Variants in RABEP1 observed in about 807,000 individuals in gnomAD.
The protein encoded by RABEP1 is rab GTPase-binding effector protein 1.
In RABEP1, 51 loss-of-function variants were observed where a neutral mutation model predicts 123.4. That is an observed-to-expected ratio of 0.41 (90% CI 0.33 to 0.52). RABEP1 has a LOEUF of 0.52. RABEP1 is among the 20% of genes least tolerant of loss of function. The pLI, the probability that RABEP1 is intolerant of heterozygous loss-of-function variation, is 0.16. For missense variants in RABEP1, 888 were observed against 996.3 expected, an observed-to-expected ratio of 0.89 and a Z score of 1.46; for synonymous variants, 347 against 355.2, an observed-to-expected ratio of 0.98 and a Z score of 0.26.
Position 5,320,862 on chromosome 17 carries a change from C to A in RABEP1, c.164-11087C>A, listed in dbSNP as rs558469077. On this transcript the variant is annotated intron_variant, in intron 2 of 17. Coordinates refer to ENST00000537505, the MANE Select transcript of RABEP1 (RefSeq NM_004703.6). ...AAAGACAGAAAGAAGAGAGGAGTTA[C>A]AAAACAACCAGAAAACAAGCAATAA... is the stretch of plus-strand genomic sequence containing the variant. Among the ~76,000 whole-genome samples the A allele has an allele frequency of 3.3e-5, 5 of 152,240 alleles. No individual in the cohort carries two copies. The South Asian group carries it at 1.0e-3, about 32-fold the overall frequency.
At chr17:5,310,301 C>CTTTTTTTTTTTTTTTTTTTTTTTTTTTTT (rs11432831) in intron 2 of RABEP1, among the ~76,000 whole-genome samples, 4 of 126,414 alleles carry the variant, frequency 3.2e-5, no homozygotes, top group African/African-American at 3.0e-5. Context: ...AAGCTTCGTC[C>CTTTTTTTTTTTTTTTTTTTTTTTTTTTTT]TTTTTTTTTT....
rs776617587 is a variant in RABEP1 at position 5,368,507 on chromosome 17, A to G, written c.1884+39A>G. The G allele has an allele frequency of 1.2e-5, 17 of 1,422,512 alleles. No individual in the cohort carries two copies. In the African/African-American group the frequency reaches 2.4e-4, roughly 20 times the overall value. 88.1% of individuals were successfully genotyped at this position (1,422,512 alleles called of 1,614,324 possible). On this transcript the variant is annotated intron_variant, in intron 12 of 17. Coordinates refer to ENST00000537505, the MANE Select transcript of RABEP1 (RefSeq NM_004703.6). ...TTAAGTAAATGACAACTATGTTACT[A>G]TATATTCCTTTTTTGTTCTATCTTG... is the stretch of plus-strand genomic sequence containing the variant.
At chr17:5,368,286 A>T in intron 11 of RABEP1, 84 bp from the exon 12 acceptor site, 2 of 939,608 alleles carry the variant, frequency 2.1e-6, no homozygotes, top group South Asian at 1.5e-5. Flanking sequence ...TCAATTCCAG[A>T]CACTAAATAG....
Position 5,282,497 on chromosome 17 carries a change from CG to C in RABEP1, c.14del (p.Gly5AlafsTer14). 2.3e-6 allele frequency: 3 copies of C among 1,286,198 alleles called. No individual in the cohort carries two copies. The highest frequency in any genetic ancestry group is 3.0e-6 in the Non-Finnish European group (3 of 1,014,960). The allele number at this position is 1,286,198 out of a possible 1,614,324, so 79.7% of individuals were successfully genotyped here. On this transcript the variant is annotated frameshift_variant, in exon 1 of 18. Coordinates refer to ENST00000537505, the MANE Select transcript of RABEP1 (RefSeq NM_004703.6). LOFTEE classifies it high-confidence loss of function. ...GCCGGCCGCCTGGTCATGGCGCAGCCGGGCCCGGCTTCCCAGCCTGACGGTG... is the reference window on the plus strand; with the variant it reads ...GCCGGCCGCCTGGTCATGGCGCAGCCGGCCCGGCTTCCCAGCCTGACGGTG... Reference protein sequence around the residue: MAQPGPASQPDVSL... With the variant: MAQXGPASQPDVSL...
rs1185795795 is a variant in RABEP1, at chr17:5,378,246, T to G, written c.2271+14T>G. 2 of 1,556,784 alleles carry G rather than the reference T, an allele frequency of 1.3e-6. No individual in the cohort carries two copies. The highest frequency in any genetic ancestry group is 2.7e-5 in the African/African-American group (2 of 73,580). On this transcript the variant is annotated intron_variant, in intron 15 of 17. Coordinates refer to ENST00000537505, the MANE Select transcript of RABEP1 (RefSeq NM_004703.6). ...GAAAAAGGACAGGTAAGTCGTGAGT[T>G]TCAAATTAATTCTATCAGCAACCAG... is the stretch of plus-strand genomic sequence containing the variant.
At chr17:5,362,145 A>T (rs1037415199) in intron 9 of RABEP1, 1 of 162,604 alleles carries the variant, frequency 6.1e-6, no homozygotes, top group Non-Finnish European at 1.4e-5. Context: ...CCAATCTTTA[A>T]TGAAGTTGAT....
intron 11 of RABEP1, among the ~76,000 whole-genome samples, chr17:5,366,921 C>T (rs1910044615): frequency 6.6e-6 from 1 of 151,448 alleles, no homozygotes; most frequent in African/African-American, 2.4e-5. Context: ...GAAACCCTGT[C>T]TCTACTAAAA....
chr17:5,309,607 T>C (rs980479838), intron 2 of RABEP1, among the ~76,000 whole-genome samples: 1 of 149,234 alleles, frequency 6.7e-6, no homozygotes, highest in East Asian at 2.0e-4. Context: ...GAGCTGAGAT[T>C]GCGCCATTGC....
Position 5,368,399 on chromosome 17 carries a change from C to T in RABEP1, c.1815C>T (p.Ala605=), listed in dbSNP as rs1346010454. 1 of 1,613,606 alleles carries T rather than the reference C, an allele frequency of 6.2e-7. No homozygotes were observed. Among genetic ancestry groups the T allele is most frequent in the Admixed American group, 1.7e-5 (1 of 59,968 alleles). The change falls in exon 12 of 18, where the codon GCC becomes GCT. Residue 605 remains alanine, a synonymous_variant. Transcript: ENST00000537505. ...QISALVLRAQ[A]SEILLEELQQ... ...CTGCACTCGTCCTAAGAGCCCAGGCCTCCGAGATCTTACTTGAAGAGTTAC... is the reference window on the plus strand; with the variant it reads ...CTGCACTCGTCCTAAGAGCCCAGGCTTCCGAGATCTTACTTGAAGAGTTAC...
intron 1 of RABEP1, among the ~76,000 whole-genome samples, chr17:5,305,733 A>G (rs1019426489): frequency 6.6e-6 from 1 of 152,216 alleles, no homozygotes; most frequent in African/African-American, 2.4e-5. Context: ...TTATTAAACA[A>G]TGTGGATTTA....
chr17:5,361,491 T>G lies in RABEP1; in HGVS notation c.1379T>G (p.Leu460Arg). The change falls in exon 9 of 18, where the codon CTC (leucine) becomes CGC (arginine). Residue 460 changes from leucine to arginine, a missense_variant. Transcript: ENST00000537505. ...TTTGATACTGCATCCCTTGGGTCAC[T>G]CCAGATGCCAAGTGGGTTTATGTTA... ...ENFDTASLGS[L>R]QMPSGFMLTK... 1 of 1,614,152 alleles carries G rather than the reference T, an allele frequency of 6.2e-7. No individual in the cohort carries two copies. Among genetic ancestry groups the G allele is most frequent in the Non-Finnish European group, 8.5e-7 (1 of 1,180,036 alleles).
intron 3 of RABEP1, among the ~76,000 whole-genome samples, chr17:5,334,366 G>A (rs1037999331): frequency 6.6e-6 from 1 of 152,014 alleles, no homozygotes; most frequent in African/African-American, 2.4e-5. Context: ...CGAGTAGCTG[G>A]GACTACAGGT....
intron 2 of RABEP1, among the ~76,000 whole-genome samples, chr17:5,319,934 G>A (rs1264983701): frequency 6.6e-6 from 1 of 152,150 alleles, no homozygotes; most frequent in African/African-American, 2.4e-5. Flanking sequence ...TCAAGAGGGA[G>A]TTGAGCAAGA....
chr17:5,363,218 T>G (rs559033270), intron 10 of RABEP1, among the ~76,000 whole-genome samples: 91 of 150,848 alleles, frequency 6.0e-4, no homozygotes, highest in South Asian at 3.6e-3. Context: ...TTTTTTTTGT[T>G]TTTGTTTTTG....
intron 11 of RABEP1, among the ~76,000 whole-genome samples, chr17:5,367,593 A>AC (rs1555525218): frequency 3.3e-5 from 5 of 151,134 alleles, no homozygotes; most frequent in South Asian, 2.2e-4. Context: ...TTTTTAAAAA[A>AC]AGTATGGATA....
At chr17:5,299,274 TC>T (rs2075111133) in intron 1 of RABEP1, among the ~76,000 whole-genome samples, 1 of 152,102 alleles carries the variant, frequency 6.6e-6, no homozygotes, top group African/African-American at 2.4e-5. Context: ...CTTGTACACT[TC>T]CTGCCCTGGA....
At chr17:5,303,087 TAC>T (rs758789058) in intron 1 of RABEP1, among the ~76,000 whole-genome samples, 1 of 152,166 alleles carries the variant, frequency 6.6e-6, no homozygotes, top group South Asian at 2.1e-4. Flanking sequence ...GGATATTCAT[TAC>T]AGTCTTTTTT....
At chr17:5,291,631 G>C (rs887816114) in intron 1 of RABEP1, among the ~76,000 whole-genome samples, 1 of 152,054 alleles carries the variant, frequency 6.6e-6, no homozygotes, top group African/African-American at 2.4e-5. Flanking sequence ...GTTTTGGCCA[G>C]TTGCGGTGGC....
chr17:5,367,877 T>C (rs1910196485), intron 11 of RABEP1, among the ~76,000 whole-genome samples: 2 of 150,852 alleles, frequency 1.3e-5, no homozygotes, highest in African/African-American at 2.4e-5. Context: ...TGCCTCAGCC[T>C]CCCGAGTAGC....
Sources: gnomAD v4.1 joint callset for allele counts (sites outside exome capture counted in the v4.1 genomes callset) on GRCh38, gnomAD v4.1.1 for gene constraint, MANE v1.5 for transcripts, NCBI Gene and HGNC (gene_info 2026-07-23, HGNC 2026-07-21) for gene names.